The following DAB1 variants were observed in gnomAD, a reference collection of about 807,000 sequenced individuals.
DAB1 encodes disabled homolog 1.
A neutral mutation model predicts 64.6 loss-of-function variants in DAB1; 15 were observed. The observed-to-expected ratio is 0.23, with a 90% confidence interval of 0.16 to 0.36. The LOEUF is 0.36. Ranked by LOEUF, DAB1 falls within the 10% of genes least tolerant of loss-of-function variation. The pLI is 1.00. For missense variants in DAB1, 596 were observed against 706.7 expected (o/e 0.84, Z 1.78); for synonymous variants, 235 against 251.9 (o/e 0.93, Z 0.64).
At chr1:57,915,477 C>A (rs1644712591) in intron 5 of DAB1, among the ~76,000 whole-genome samples, 1 of 152,156 alleles carries the variant, frequency 6.6e-6, no homozygotes, top group African/African-American at 2.4e-5. Context: ...TTAAATCTTA[C>A]TCCAGCTGCA....
chr1:58,339,531 G>C (rs934219638), intron 4 of DAB1, among the ~76,000 whole-genome samples: 5 of 152,116 alleles, frequency 3.3e-5, no homozygotes, highest in Non-Finnish European at 7.4e-5. Flanking sequence ...GTGGAATATA[G>C]AGAAATTATC....
intron 4 of DAB1, among the ~76,000 whole-genome samples, chr1:57,091,340 C>CA (rs1186151489): frequency 6.6e-6 from 1 of 152,144 alleles, no homozygotes; most frequent in African/African-American, 2.4e-5. Flanking sequence ...GAATATAAGA[C>CA]AAGTATCTCA....
intron 3 of DAB1, among the ~76,000 whole-genome samples, chr1:58,345,903 T>A (rs991953225): frequency 3.3e-5 from 5 of 152,168 alleles, no homozygotes; most frequent in African/African-American, 9.7e-5. Context: ...CTCCCCGTCC[T>A]GGGTCAATTC....
chr1:58,431,841 C>T (rs577164963), intron 3 of DAB1, among the ~76,000 whole-genome samples: 3 of 152,172 alleles, frequency 2.0e-5, no homozygotes, highest in African/African-American at 7.2e-5. Context: ...GACCCCCTTG[C>T]TGGGGAGACA....
At chr1:57,556,260 G>A (rs142564260) in intron 7 of DAB1, among the ~76,000 whole-genome samples, 15 of 152,060 alleles carry the variant, frequency 9.9e-5, no homozygotes, top group Middle Eastern at 3.4e-3. Flanking sequence ...TATCTTTTTC[G>A]TATAATGACT....
At chr1:57,428,813 C>T (rs1225601175), upstream of DAB1, among the ~76,000 whole-genome samples, 1 of 142,490 alleles carries the variant, frequency 7.0e-6, no homozygotes, top group Admixed American at 7.2e-5. Flanking sequence ...TCTTCATTTG[C>T]ACCAACACTT....
chr1:57,650,472 A>G (rs1646243548), intron 6 of DAB1, among the ~76,000 whole-genome samples: 1 of 151,762 alleles, frequency 6.6e-6, no homozygotes, highest in South Asian at 2.1e-4. Flanking sequence ...AATAAAAAAA[A>G]TTGGTATTTC....
At chr1:57,419,513 C>T (rs1177947030) in intron 1 of DAB1, among the ~76,000 whole-genome samples, 2 of 148,276 alleles carry the variant, frequency 1.3e-5, no homozygotes, top group South Asian at 2.1e-4. Flanking sequence ...AAAAAAAAAC[C>T]TTTGCCTAAA....
chr1:57,790,670 A>T (rs1344964206), intron 6 of DAB1, among the ~76,000 whole-genome samples: 1 of 152,164 alleles, frequency 6.6e-6, no homozygotes, highest in Non-Finnish European at 1.5e-5. Context: ...GGAGGTGTAT[A>T]TTGGATGAAC....
At chr1:57,430,882 C>A (rs1685478670) in intron 7 of DAB1, among the ~76,000 whole-genome samples, 1 of 143,278 alleles carries the variant, frequency 7.0e-6, no homozygotes. Flanking sequence ...CTATACCAGG[C>A]ACAATGTTAG....
chr1:57,166,752 C>A (rs1254156674), intron 2 of DAB1, among the ~76,000 whole-genome samples: 1 of 152,204 alleles, frequency 6.6e-6, no homozygotes, highest in African/African-American at 2.4e-5. Flanking sequence ...AAAGACCTTA[C>A]ATCTAACTCT....
intron 1 of DAB1, among the ~76,000 whole-genome samples, chr1:58,545,420 G>A (rs754826248): frequency 3.3e-5 from 5 of 152,052 alleles, no homozygotes; most frequent in Non-Finnish European, 5.9e-5. Context: ...TGTAATACCC[G>A]GTTTATCCTG....
At chr1:57,137,832 G>A (rs993837119) in intron 3 of DAB1, among the ~76,000 whole-genome samples, 4 of 152,160 alleles carry the variant, frequency 2.6e-5, no homozygotes, top group African/African-American at 7.2e-5. Context: ...ATGACCAGAG[G>A]TATGAGGAAG....
chr1:58,401,543 T>C (rs1015098475), intron 3 of DAB1, among the ~76,000 whole-genome samples: 6 of 152,266 alleles, frequency 3.9e-5, no homozygotes, highest in African/African-American at 1.4e-4. Flanking sequence ...TGTGACTATA[T>C]ACTTATTTAT....
chr1:57,864,910 C>G (rs1057322263), intron 1 of DAB1: 1 of 152,038 alleles, frequency 6.6e-6, no homozygotes, highest in African/African-American at 2.4e-5. Context: ...ATAAAGATAT[C>G]TTTAAAATAC....
intron 3 of DAB1, among the ~76,000 whole-genome samples, chr1:58,361,638 T>G (rs17496545): frequency 0.29 from 43,699 of 152,010 alleles, 7,276 homozygotes; most frequent in Admixed American, 0.44. Flanking sequence ...TTTCTGACCC[T>G]GAGCAGAGGT....
chr1:57,272,830 G>T (rs965301462), intron 2 of DAB1, among the ~76,000 whole-genome samples: 2 of 152,182 alleles, frequency 1.3e-5, no homozygotes, highest in Non-Finnish European at 2.9e-5. Flanking sequence ...ACAGTGGGTT[G>T]GGTGTGGGGC....
At chr1:58,470,849 CT>C (rs958956834) in intron 3 of DAB1, among the ~76,000 whole-genome samples, 1 of 152,114 alleles carries the variant, frequency 6.6e-6, no homozygotes, top group Non-Finnish European at 1.5e-5. Context: ...GTCAAGAGCT[CT>C]TCTTATTTGA....
chr1:58,458,169 T>C (rs1229311146), intron 3 of DAB1, among the ~76,000 whole-genome samples: 1 of 152,184 alleles, frequency 6.6e-6, no homozygotes, highest in Non-Finnish European at 1.5e-5. Flanking sequence ...TAATTAAAAA[T>C]TCAGTTTCTC....
Sources: allele counts gnomAD v4.1 joint callset (sites outside exome capture counted in the v4.1 genomes callset), GRCh38; gene constraint gnomAD v4.1.1; transcripts MANE v1.5; gene names NCBI Gene and HGNC (gene_info 2026-07-23, HGNC 2026-07-21).